LUZP2: variants seen among roughly 807,000 people sequenced by gnomAD.
LUZP2 encodes the protein leucine zipper protein 2.
Under a neutral mutation model 51.6 loss-of-function variants are expected in LUZP2, and 52 were observed. The observed-to-expected ratio is 1.01, with a 90% CI of 0.81 to 1.27. The LOEUF is 1.27. Ranked by LOEUF, LUZP2 falls within the 50% of genes most tolerant of loss-of-function variation. The probability of loss-of-function intolerance (pLI) is 0.00; values close to 1 mark genes in which losing one functional copy is unlikely to be tolerated. For missense variants in LUZP2, 436 were observed against 395.4 expected (o/e 1.10, Z -0.87); for synonymous variants, 154 against 137.3 (o/e 1.12, Z -0.85).
At chr11:24,844,855 A>G (rs1851149485) in intron 5 of LUZP2, among the ~76,000 whole-genome samples, 2 of 152,204 alleles carry the variant, frequency 1.3e-5, no homozygotes, top group Non-Finnish European at 1.5e-5. Context: ...ACAAAAGTTA[A>G]GAATTGGGGT....
chr11:24,743,920 A>T (rs997639071), intron 4 of LUZP2, among the ~76,000 whole-genome samples: 1 of 151,864 alleles, frequency 6.6e-6, no homozygotes, highest in African/African-American at 2.4e-5. Flanking sequence ...GGTTTTGGAG[A>T]ATGCTTGTTC....
chr11:24,892,270 A>G, intron 5 of LUZP2: 1 of 985,438 alleles, frequency 1.0e-6, no homozygotes, highest in Non-Finnish European at 1.2e-6. Flanking sequence ...GAACTGGACC[A>G]TCTGCTATAG....
Position 24,852,274 on chromosome 11 carries a change from TAG to T in LUZP2, c.397-53716_397-53715del, listed in dbSNP as rs1851420595. On this transcript the variant is annotated intron_variant, in intron 5 of 11. Transcript: ENST00000336930. ...ATAAATTTCCCTCTAAACACTGCTT[TAG>T]CTGTGTCCCAGAGATTCTGGTACAT... Among the ~76,000 whole-genome samples the T allele has an allele frequency of 2.6e-5, 4 of 152,198 alleles. No homozygotes were observed. In the South Asian group the frequency reaches 8.3e-4, roughly 31 times the overall value.
chr11:24,873,810 T>C (rs1852159737), intron 5 of LUZP2, among the ~76,000 whole-genome samples: 1 of 152,224 alleles, frequency 6.6e-6, no homozygotes, highest in East Asian at 1.9e-4. Flanking sequence ...GTTCTCTGAG[T>C]GTCAGTTTAG....
chr11:24,762,195 A>G (rs1196195218), intron 4 of LUZP2, among the ~76,000 whole-genome samples: 1 of 152,156 alleles, frequency 6.6e-6, no homozygotes, highest in East Asian at 1.9e-4. Context: ...TTTAGCTTCC[A>G]ACCCAATGAC....
intron 9 of LUZP2, among the ~76,000 whole-genome samples, chr11:25,028,793 A>G (rs1857568751): frequency 6.6e-6 from 1 of 152,032 alleles, no homozygotes; most frequent in African/African-American, 2.4e-5. Flanking sequence ...TCTAGCCTCA[A>G]TTCCTCTGTC....
At chr11:24,978,280 A>T (rs191400376) in intron 8 of LUZP2, among the ~76,000 whole-genome samples, 86 of 151,882 alleles carry the variant, frequency 5.7e-4, no homozygotes, top group African/African-American at 1.8e-3. Context: ...GCCAATTATT[A>T]CTTTTAAAAA....
rs185035677 is a variant in LUZP2, at chr11:25,050,512, A to G, written c.858+382A>G. ...GTAGAGACGGGGTTTCACCGTGTTA[A>G]CCAGGCTGGTCTTGATCGCCTGACC... On this transcript the variant is annotated intron_variant, in intron 10 of 11. Transcript: ENST00000336930. 7.9e-5 allele frequency among the ~76,000 whole-genome samples: 12 copies of G among 151,928 alleles called. No homozygotes were observed. The East Asian group carries it at 1.2e-3, about 15-fold the overall frequency.
chr11:24,769,590 C>A (rs1860326248), intron 5 of LUZP2, among the ~76,000 whole-genome samples: 1 of 151,396 alleles, frequency 6.6e-6, no homozygotes, highest in African/African-American at 2.4e-5. Flanking sequence ...TAATGAAAAA[C>A]ACATTCTGTC....
At chr11:25,004,935 A>G (rs1856792243) in intron 9 of LUZP2, among the ~76,000 whole-genome samples, 1 of 152,172 alleles carries the variant, frequency 6.6e-6, no homozygotes. Context: ...CTTTTCATTA[A>G]AAGCCGGGGT....
At chr11:24,684,600 C>T (rs568879338) in intron 1 of LUZP2, among the ~76,000 whole-genome samples, 3 of 152,334 alleles carry the variant, frequency 2.0e-5, no homozygotes, top group South Asian at 2.1e-4. Context: ...ACCAAAGGAA[C>T]GGTGCTCAAT....
chr11:24,593,366 T>A (rs981491499), intron 1 of LUZP2, among the ~76,000 whole-genome samples: 2 of 152,148 alleles, frequency 1.3e-5, no homozygotes, highest in African/African-American at 4.8e-5. Flanking sequence ...AATATTAATC[T>A]TGATGATTAA....
intron 1 of LUZP2, among the ~76,000 whole-genome samples, chr11:24,654,154 C>T (rs767530918): frequency 2.4e-4 from 36 of 152,064 alleles, no homozygotes; most frequent in Admixed American, 4.6e-4. Context: ...ATGCACACAT[C>T]GTAACTGGAA....
chr11:24,840,854 C>A (rs1211845585), intron 5 of LUZP2, among the ~76,000 whole-genome samples: 1 of 151,924 alleles, frequency 6.6e-6, no homozygotes, highest in Non-Finnish European at 1.5e-5. Flanking sequence ...CTAAGAAGAG[C>A]CACAAATTTA....
At chr11:24,929,568 T>A (rs1376380006) in intron 7 of LUZP2, among the ~76,000 whole-genome samples, 1 of 152,190 alleles carries the variant, frequency 6.6e-6, no homozygotes, top group Non-Finnish European at 1.5e-5. Context: ...TTCATTCCAC[T>A]GTTTTCTGAG....
chr11:24,886,600 T>A (rs1372266569), intron 5 of LUZP2, among the ~76,000 whole-genome samples: 6 of 152,190 alleles, frequency 3.9e-5, no homozygotes, highest in African/African-American at 1.4e-4. Flanking sequence ...AAGATATCAA[T>A]TTTAAAATGC....
chr11:24,889,411 G>T (rs1460705928), intron 5 of LUZP2, among the ~76,000 whole-genome samples: 1 of 152,096 alleles, frequency 6.6e-6, no homozygotes, highest in East Asian at 1.9e-4. Context: ...CCATATTCAG[G>T]TCTTCTTTTT....
chr11:24,679,985 G>C (rs889516912), intron 1 of LUZP2, among the ~76,000 whole-genome samples: 1 of 152,176 alleles, frequency 6.6e-6, no homozygotes, highest in Non-Finnish European at 1.5e-5. Context: ...TCTCCCAGAA[G>C]ATGCTGACAG....
At chr11:24,932,504 T>C (rs941488339) in intron 7 of LUZP2, among the ~76,000 whole-genome samples, 3 of 152,042 alleles carry the variant, frequency 2.0e-5, no homozygotes, top group African/African-American at 7.2e-5. Context: ...GGGGTGTGGT[T>C]CTCAGGCCAA....
Sources: allele counts gnomAD v4.1 joint callset (sites outside exome capture counted in the v4.1 genomes callset), GRCh38; gene constraint gnomAD v4.1.1; transcripts MANE v1.5; gene names NCBI Gene and HGNC (gene_info 2026-07-23, HGNC 2026-07-21).